Variants in AMZ1 observed in about 807,000 individuals in gnomAD.
AMZ1 encodes archaelysin family metallopeptidase 1.
A neutral mutation model predicts 29.9 loss-of-function variants in AMZ1; 39 were observed. The ratio of observed to expected loss-of-function variants is 1.30; its 90% CI spans 1.01 to 1.70. The LOEUF (loss-of-function observed/expected upper bound fraction) is 1.70. Among genes scored for constraint, AMZ1 ranks in the 40% most tolerant of loss-of-function variants. AMZ1 has a pLI of 0.00. For synonymous variants in AMZ1, 458 were observed against 304.0 expected (o/e 1.51, Z -5.27); for missense variants, 1,041 against 680.6 (o/e 1.53, Z -5.89).
intron 4 of AMZ1, among the ~76,000 whole-genome samples, chr7:2,727,075 C>T (rs1378493310): frequency 6.6e-6 from 1 of 152,152 alleles, no homozygotes; most frequent in Non-Finnish European, 1.5e-5. Context: ...GCCTCTGGAA[C>T]ACAACTTTAT....
rs1262468448 is a variant in AMZ1, at chr7:2,731,270, C to T, written n.550+21454C>T. On this transcript the variant is annotated intron_variant and non_coding_transcript_variant, in intron 4 of 4. Transcript: ENST00000489665. The surrounding 1 kb of genome is among the most constrained non-coding windows in gnomAD (Gnocchi z 6.0). Reference sequence around the variant, plus strand: ...AAGCGGACGTTCTCGGTGTCGATGGCGGTGGTGAAGTGGTGGAAGAGTGGC... The same window carrying T: ...AAGCGGACGTTCTCGGTGTCGATGGTGGTGGTGAAGTGGTGGAAGAGTGGC... The T allele has an allele frequency of 6.2e-6, 10 of 1,613,314 alleles. No individual in the cohort carries two copies. Among genetic ancestry groups the T allele is most frequent in the African/African-American group, 1.3e-5 (1 of 74,716 alleles).
chr7:2,723,689 G>C (rs1216748844), downstream of AMZ1, among the ~76,000 whole-genome samples: 1 of 152,252 alleles, frequency 6.6e-6, no homozygotes, highest in African/African-American at 2.4e-5. Flanking sequence ...CTTCAGGGCA[G>C]AGGCTGAAGT....
intron 1 of AMZ1, among the ~76,000 whole-genome samples, chr7:2,690,332 T>G (rs1048507087): frequency 6.6e-6 from 1 of 152,154 alleles, no homozygotes. Flanking sequence ...AATCCTCCCA[T>G]CTCAGCCTCC....
upstream of AMZ1, among the ~76,000 whole-genome samples, chr7:2,684,188 A>T (rs1786987696): frequency 6.6e-6 from 1 of 151,790 alleles, no homozygotes; most frequent in Admixed American, 6.6e-5. Context: ...AAAAAAAAAA[A>T]TTGTCATTAT....
intron 4 of AMZ1, among the ~76,000 whole-genome samples, chr7:2,757,045 A>G (rs1422509757): frequency 3.3e-5 from 5 of 151,618 alleles, no homozygotes; most frequent in Admixed American, 6.6e-5. Context: ...GTGGCACTCC[A>G]GTCTGGGCAA....
At chr7:2,680,349 C>G (rs1409706804) in intron 1 of AMZ1, among the ~76,000 whole-genome samples, 5 of 152,106 alleles carry the variant, frequency 3.3e-5, no homozygotes, top group African/African-American at 7.2e-5. Context: ...CCGAGCCCTG[C>G]CAGGCTGGGC....
chr7:2,722,366 G>C (rs1008356971), downstream of AMZ1, among the ~76,000 whole-genome samples: 1 of 151,632 alleles, frequency 6.6e-6, no homozygotes, highest in Non-Finnish European at 1.5e-5. Flanking sequence ...TCTGCCTCCC[G>C]GGTTCATGCC....
At chr7:2,737,569 G>T (rs1012803446) in intron 4 of AMZ1, among the ~76,000 whole-genome samples, 4 of 152,124 alleles carry the variant, frequency 2.6e-5, no homozygotes, top group East Asian at 1.9e-4. Flanking sequence ...GATTACAGGC[G>T]TGAGCCACAG....
intron 3 of AMZ1, 54 bp from the exon 4 acceptor site, chr7:2,708,534 A>T: frequency 6.2e-7 from 1 of 1,604,684 alleles, no homozygotes; most frequent in Non-Finnish European, 8.5e-7. Flanking sequence ...TGAGCCTGGA[A>T]GATGGGGGTC....
chr7:2,700,907 C>T (rs1788017253), intron 2 of AMZ1, 152 bp downstream of exon 2: 2 of 1,109,984 alleles, frequency 1.8e-6, no homozygotes, highest in East Asian at 2.6e-5. Flanking sequence ...GCAGGGAGGT[C>T]CTGGCTGGGC....
intron 4 of AMZ1, among the ~76,000 whole-genome samples, chr7:2,748,254 A>G (rs1037121694): frequency 6.6e-6 from 1 of 152,024 alleles, no homozygotes; most frequent in African/African-American, 2.4e-5. Context: ...ACCTGACTTC[A>G]AACTATACTA....
At chr7:2,763,719 T>G (rs1034632890), upstream of AMZ1, among the ~76,000 whole-genome samples, 6 of 152,188 alleles carry the variant, frequency 3.9e-5, no homozygotes, top group African/African-American at 7.2e-5. Flanking sequence ...AACCAAAGCT[T>G]CTTCTAAATG....
chr7:2,696,017 A>G (rs1420441786), intron 1 of AMZ1, among the ~76,000 whole-genome samples: 3 of 147,024 alleles, frequency 2.0e-5, no homozygotes, highest in Admixed American at 6.9e-5. Context: ...GGGGGGGAAA[A>G]AAAAAAAAAA....
chr7:2,730,067 T>C (rs1789811200), intron 4 of AMZ1: 1 of 152,252 alleles, frequency 6.6e-6, no homozygotes, highest in South Asian at 2.1e-4. Context: ...AAGGCACTGG[T>C]GGAGCGGCAG....
intron 4 of AMZ1, among the ~76,000 whole-genome samples, chr7:2,758,080 G>A (rs1791387039): frequency 6.6e-6 from 1 of 152,164 alleles, no homozygotes; most frequent in Admixed American, 6.5e-5. Flanking sequence ...CCAACAGGAT[G>A]AGTCAGCAGC....
rs1788014906 is a variant in AMZ1, at chr7:2,700,865, G to A, written c.304+110G>A. ...CAGGCAGGACTGAAATGAGGGAAGAGGGTCCTGGGTGTATGGGATGCCAGG... is the reference window on the plus strand; with the variant it reads ...CAGGCAGGACTGAAATGAGGGAAGAAGGTCCTGGGTGTATGGGATGCCAGG... On this transcript the variant is annotated intron_variant, in intron 2 of 6. Coordinates refer to ENST00000683327, the MANE Select transcript of AMZ1 (RefSeq NM_001384743.1). 2.8e-6 allele frequency: 4 copies of A among 1,405,430 alleles called. No individual in the cohort carries two copies. The African/African-American group carries it at 4.3e-5, about 15-fold the overall frequency. The allele number at this position is 1,405,430 out of a possible 1,614,324, so 87.1% of individuals were successfully genotyped here.
chr7:2,692,477 G>C (rs1479080891), intron 1 of AMZ1, among the ~76,000 whole-genome samples: 1 of 152,206 alleles, frequency 6.6e-6, no homozygotes, highest in Non-Finnish European at 1.5e-5. Context: ...GGGAAGCGGA[G>C]GTTGCAGTGA....
chr7:2,694,020 A>C (rs1787560125), intron 1 of AMZ1, among the ~76,000 whole-genome samples: 2 of 152,172 alleles, frequency 1.3e-5, no homozygotes, highest in South Asian at 4.1e-4. Context: ...AGGGCCCAGC[A>C]CCCAGGAAGC....
chr7:2,721,305 G>T (rs1305424808), downstream of AMZ1, among the ~76,000 whole-genome samples: 1 of 152,234 alleles, frequency 6.6e-6, no homozygotes, highest in African/African-American at 2.4e-5. Context: ...CAGATGTGTG[G>T]AAGATGTGAG....
Sources: gnomAD v4.1 joint callset for allele counts (sites outside exome capture counted in the v4.1 genomes callset) on GRCh38, gnomAD v4.1.1 for gene constraint, Gnocchi (gnomAD v3.1) non-coding constraint, MANE v1.5 for transcripts, NCBI Gene and HGNC (gene_info 2026-07-23, HGNC 2026-07-21) for gene names.